FCHSD2: variants seen among roughly 807,000 people sequenced by gnomAD.
The protein encoded by FCHSD2 is FCH and double SH3 domains 2.
FCHSD2 carries 38 observed loss-of-function variants against 108.1 expected under a neutral mutation model. The observed-to-expected ratio is 0.35, with a 90% CI of 0.27 to 0.46. The LOEUF (loss-of-function observed/expected upper bound fraction) is 0.46. FCHSD2 is among the 20% of genes least tolerant of loss of function. The pLI is 1.00. For synonymous variants in FCHSD2, 279 were observed against 314.7 expected (o/e 0.89, Z 1.20); for missense variants, 751 against 897.8 (o/e 0.84, Z 2.09).
At chr11:73,110,209 T>A (rs575106397) in intron 2 of FCHSD2, among the ~76,000 whole-genome samples, 2 of 152,186 alleles carry the variant, frequency 1.3e-5, no homozygotes, top group East Asian at 3.9e-4. Context: ...CCTCACAGAA[T>A]GAGTTTAGGA....
intron 8 of FCHSD2, among the ~76,000 whole-genome samples, chr11:72,963,090 C>T (rs1429409851): frequency 1.3e-5 from 2 of 152,078 alleles, no homozygotes; most frequent in Non-Finnish European, 2.9e-5. Context: ...CTAATGAAAG[C>T]AAATTATTTA....
At chr11:73,080,097 G>A (rs1362426203) in intron 3 of FCHSD2, among the ~76,000 whole-genome samples, 2 of 151,678 alleles carry the variant, frequency 1.3e-5, no homozygotes, top group African/African-American at 4.8e-5. Context: ...CCAGGAGTTC[G>A]AGACCAGCCT....
At chr11:73,070,389 G>A (rs1591530228) in intron 3 of FCHSD2, among the ~76,000 whole-genome samples, 1 of 152,018 alleles carries the variant, frequency 6.6e-6, no homozygotes, top group Non-Finnish European at 1.5e-5. Flanking sequence ...CACGCCAGTC[G>A]TAAAGTAGAT....
chr11:72,937,424 G>T lies in FCHSD2; in HGVS notation c.706-15474C>A, dbSNP rs114772218. On this transcript the variant is annotated intron_variant, in intron 8 of 19. Coordinates refer to ENST00000409418, the MANE Select transcript of FCHSD2 (RefSeq NM_014824.3). ...ATTTAGCAAGAAATATAAAGCCTTAGTGTTAATTCAGTAAACAATATCTCT... is the reference window on the plus strand; with the variant it reads ...ATTTAGCAAGAAATATAAAGCCTTATTGTTAATTCAGTAAACAATATCTCT... Among the ~76,000 whole-genome samples the T allele has an allele frequency of 8.1e-3, 1,232 of 152,286 alleles. 21 individuals carry two copies. The highest frequency in any genetic ancestry group is 0.028 in the African/African-American group (1,151 of 41,560).
chr11:73,068,470 C>T, intron 3 of FCHSD2, among the ~76,000 whole-genome samples: 1 of 151,712 alleles, frequency 6.6e-6, no homozygotes, highest in East Asian at 1.9e-4. Flanking sequence ...ACCTATGTAA[C>T]AAACCTGCAC....
chr11:72,929,182 T>C (rs985630247), intron 8 of FCHSD2, among the ~76,000 whole-genome samples: 3 of 152,228 alleles, frequency 2.0e-5, no homozygotes, highest in African/African-American at 7.2e-5. Context: ...GCTATAAACA[T>C]ACGTGTGCGT....
rs547341194 is a variant in FCHSD2, at chr11:72,977,812, G to T, written c.705+6276C>A. Among the ~76,000 whole-genome samples, 3 of 152,214 alleles carry T rather than the reference G, an allele frequency of 2.0e-5. No homozygotes were observed. The East Asian group carries it at 5.8e-4, about 29-fold the overall frequency. ...ATTTGACCGAGCAATCCCATTACTG[G>T]GTATATACCCAAAGGATTATAAATC... On this transcript the variant is annotated intron_variant, in intron 8 of 19. Coordinates refer to ENST00000409418, the MANE Select transcript of FCHSD2 (RefSeq NM_014824.3).
At chr11:72,983,021 G>A (rs1857242805) in intron 8 of FCHSD2, among the ~76,000 whole-genome samples, 1 of 152,138 alleles carries the variant, frequency 6.6e-6, no homozygotes, top group South Asian at 2.1e-4. Flanking sequence ...GGGGCCGGGC[G>A]CGGTGGCTCA....
intron 3 of FCHSD2, among the ~76,000 whole-genome samples, chr11:73,044,250 GAATTCCTC>G (rs1232048237): frequency 3.3e-5 from 5 of 152,024 alleles, no homozygotes; most frequent in African/African-American, 4.8e-5. Flanking sequence ...TATTAACGCT[GAATTCCTC>G]AATTAAAAAA....
At chr11:72,851,122 AAAG>A (rs1861277373) in intron 13 of FCHSD2, among the ~76,000 whole-genome samples, 1 of 151,158 alleles carries the variant, frequency 6.6e-6, no homozygotes, top group Non-Finnish European at 1.5e-5. Flanking sequence ...AAAAAAAAAA[AAAG>A]GTTGCTAAGT....
chr11:72,969,123 T>C lies in FCHSD2; in HGVS notation c.705+14965A>G, dbSNP rs116323406. Among the ~76,000 whole-genome samples the C allele has an allele frequency of 9.4e-3, 1,433 of 152,254 alleles. 24 individuals are homozygous for C. The highest frequency in any genetic ancestry group is 0.032 in the African/African-American group (1,311 of 41,542). Reference sequence around the variant, plus strand: ...CTGGTCTTCTCAGACTCCAGATGTCTCCTCCTCATTGTCAGCACTAAGTTA... The same window carrying C: ...CTGGTCTTCTCAGACTCCAGATGTCCCCTCCTCATTGTCAGCACTAAGTTA... On this transcript the variant is annotated intron_variant, in intron 8 of 19. Coordinates refer to ENST00000409418, the MANE Select transcript of FCHSD2 (RefSeq NM_014824.3).
At chr11:73,055,542 C>A (rs535707780) in intron 3 of FCHSD2, among the ~76,000 whole-genome samples, 10 of 152,080 alleles carry the variant, frequency 6.6e-5, no homozygotes, top group Admixed American at 1.3e-4. Context: ...AGCAGAAAGT[C>A]ATCAAAAGAT....
At chr11:73,064,646 A>T (rs1859247498) in intron 3 of FCHSD2, among the ~76,000 whole-genome samples, 1 of 152,176 alleles carries the variant, frequency 6.6e-6, no homozygotes, top group African/African-American at 2.4e-5. Context: ...TCCTTATATC[A>T]GTGGTGATAT....
chr11:72,959,220 C>CTTTTTTTTTTTTTTTTTTTTTT lies in FCHSD2; in HGVS notation c.705+24846_705+24867dup, dbSNP rs11408216. Among the ~76,000 whole-genome samples the CTTTTTTTTTTTTTTTTTTTTTT allele has an allele frequency of 3.6e-5, 2 of 56,294 alleles. 1 individual carries two copies. The highest frequency in any genetic ancestry group is 1.4e-4 in the African/African-American group (2 of 14,136). The allele number at this position is 56,294 out of a possible 152,430, so 36.9% of individuals were successfully genotyped here. A position where few individuals can be genotyped will look rare whatever the true frequency, so the allele number is the denominator to read the frequency against. ...TTTTCCACTTCATATATCCAGCAGT[C>CTTTTTTTTTTTTTTTTTTTTTT]TTTTTTTTTTTTTTTTTTTTTTTTT... On this transcript the variant is annotated intron_variant, in intron 8 of 19. Coordinates refer to ENST00000409418, the MANE Select transcript of FCHSD2 (RefSeq NM_014824.3).
In FCHSD2 at chr11:72,895,245, G is replaced by C. The variant is rs1444713226; in HGVS notation, c.925-5300C>G. ...AATTCTGGAAAACTCTGGACACCTG[G>C]GGAAAAGGAATATACCCATTAAGGC... On this transcript the variant is annotated intron_variant, in intron 10 of 19. Transcript: ENST00000409418. Among the ~76,000 whole-genome samples the C allele has an allele frequency of 2.0e-5, 3 of 152,146 alleles. No homozygotes were observed. The East Asian group carries it at 5.8e-4, about 29-fold the overall frequency.
intron 3 of FCHSD2, among the ~76,000 whole-genome samples, chr11:73,027,767 G>A (rs1425515639): frequency 6.6e-6 from 1 of 152,252 alleles, no homozygotes; most frequent in Non-Finnish European, 1.5e-5. Context: ...CAGGACCAGG[G>A]CTGTGCTGCT....
intron 3 of FCHSD2, among the ~76,000 whole-genome samples, chr11:73,016,235 G>A (rs949550099): frequency 1.5e-4 from 22 of 151,724 alleles, no homozygotes; most frequent in African/African-American, 2.9e-4. Context: ...TCCAGGAGGC[G>A]GAGGCTGCAG....
chr11:73,121,473 T>C (rs1462857684), intron 2 of FCHSD2, among the ~76,000 whole-genome samples: 1 of 152,176 alleles, frequency 6.6e-6, no homozygotes, highest in Non-Finnish European at 1.5e-5. Flanking sequence ...AGTTGTGATC[T>C]TAGACAAATT....
At chr11:73,054,327 G>T (rs576850362) in intron 3 of FCHSD2, among the ~76,000 whole-genome samples, 21 of 151,896 alleles carry the variant, frequency 1.4e-4, no homozygotes, top group Non-Finnish European at 2.4e-4. Context: ...GCAAAGACAG[G>T]ACTGCCCAGA....
Sources: gnomAD v4.1 joint callset for allele counts (sites outside exome capture counted in the v4.1 genomes callset) on GRCh38, gnomAD v4.1.1 for gene constraint, MANE v1.5 for transcripts, NCBI Gene and HGNC (gene_info 2026-07-23, HGNC 2026-07-21) for gene names.